The following ANGPT2 variants were observed in gnomAD, a reference collection of about 807,000 sequenced individuals.
ANGPT2 encodes angiopoietin-2.
A neutral mutation model predicts 62.9 loss-of-function variants in ANGPT2; 28 were observed. The observed-to-expected ratio is 0.44, with a 90% CI of 0.33 to 0.61. The LOEUF is 0.61. Ranked by LOEUF, ANGPT2 falls within the 20% of genes least tolerant of loss-of-function variation. The pLI is 0.03. For missense variants in ANGPT2, 727 were observed against 594.9 expected (o/e 1.22, Z -2.31); for synonymous variants, 284 against 207.8 (o/e 1.37, Z -3.15).
intron 3 of ANGPT2, among the ~76,000 whole-genome samples, chr8:6,526,798 C>G (rs1390556742): frequency 6.6e-6 from 1 of 152,160 alleles, no homozygotes; most frequent in African/African-American, 2.4e-5. Context: ...AGGAAATAGG[C>G]ACACCAGGTA....
At position 6,502,032 on chromosome 8, in the gene ANGPT2, T is replaced by C. The variant is rs956453354; in HGVS notation, c.*1069A>G. ...GGGTGAATCTTGAGACATATAGCTTTGTAAATTTCTTAAATAGAAGGCTTT... is the reference window on the plus strand; with the variant it reads ...GGGTGAATCTTGAGACATATAGCTTCGTAAATTTCTTAAATAGAAGGCTTT... On this transcript the variant is annotated 3_prime_UTR_variant, in exon 9 of 9. Transcript: ENST00000629816. 2.6e-5 allele frequency: 4 copies of C among 152,068 alleles called. No individual in the cohort carries two copies. Among genetic ancestry groups the C allele is most frequent in the African/African-American group, 9.7e-5 (4 of 41,430 alleles). 9.4% of individuals were successfully genotyped at this position (152,068 alleles called of 1,614,324 possible). A position where few individuals can be genotyped will look rare whatever the true frequency, so the allele number is the denominator to read the frequency against.
At chr8:6,512,967 A>G (rs979684088) in intron 7 of ANGPT2, among the ~76,000 whole-genome samples, 1 of 152,260 alleles carries the variant, frequency 6.6e-6, no homozygotes, top group African/African-American at 2.4e-5. Context: ...TTTAAACTTC[A>G]TAAAGACAGA....
chr8:6,521,148 C>A (rs200653775), intron 4 of ANGPT2, 30 bp downstream of exon 4: 4 of 1,584,572 alleles, frequency 2.5e-6, no homozygotes, highest in South Asian at 1.1e-5. Context: ...AGGTTATTAA[C>A]GCTGAAGAAA....
At position 6,527,659 on chromosome 8, in the gene ANGPT2, C is replaced by A. The variant is rs115556798; in HGVS notation, c.462G>T (p.Thr154=). ...DVEAQVLNQT[T]RLELQLLEHS... ...GTTCCAAGAGCTGAAGTTCAAGTCT[C>A]GTGGTCTGATTTAATACCTAAATGT... Residue 154 remains threonine (T), a synonymous_variant, in exon 3 of 9, where the codon ACG becomes ACT. Transcript: ENST00000629816. The A allele has an allele frequency of 6.2e-7, 1 of 1,613,654 alleles. No individual in the cohort carries two copies.
intron 1 of ANGPT2, among the ~76,000 whole-genome samples, chr8:6,556,188 A>G (rs1162925215): frequency 6.6e-6 from 1 of 152,156 alleles, no homozygotes; most frequent in African/African-American, 2.4e-5. Context: ...TAAAGAGGTA[A>G]TTTAAAATAT....
intron 2 of ANGPT2, among the ~76,000 whole-genome samples, chr8:6,530,106 T>C (rs1819182376): frequency 6.6e-6 from 1 of 152,322 alleles, no homozygotes; most frequent in Non-Finnish European, 1.5e-5. Flanking sequence ...TTATGAGACA[T>C]TTTTTGGATG....
At position 6,501,149 on chromosome 8, in the gene ANGPT2, G is replaced by C. The variant is rs1812101767; in HGVS notation, c.*1952C>G. 1 of 152,240 alleles carries C rather than the reference G, an allele frequency of 6.6e-6. No individual in the cohort carries two copies. The highest frequency in any genetic ancestry group is 6.5e-5 in the Admixed American group (1 of 15,282). 9.4% of individuals were successfully genotyped at this position (152,240 alleles called of 1,614,324 possible). ...AACTAGTTAAATAGTTGTTGGAAAA[G>C]TGCACCTTGGTGGAAATAAAACAGA... On this transcript the variant is annotated 3_prime_UTR_variant, in exon 9 of 9. Transcript: ENST00000629816.
chr8:6,511,965 A>T (rs1463601746), intron 7 of ANGPT2, among the ~76,000 whole-genome samples: 1 of 151,112 alleles, frequency 6.6e-6, no homozygotes, highest in African/African-American at 2.4e-5. Flanking sequence ...AAAATATTTA[A>T]CTTGGAGGTA....
chr8:6,559,773 G>T (rs1399068256), intron 1 of ANGPT2, among the ~76,000 whole-genome samples: 1 of 152,172 alleles, frequency 6.6e-6, no homozygotes. Flanking sequence ...CAGGGCAGAG[G>T]TTCACACTAG....
intron 1 of ANGPT2, among the ~76,000 whole-genome samples, chr8:6,551,645 G>T (rs1391980343): frequency 3.3e-5 from 5 of 152,116 alleles, no homozygotes; most frequent in African/African-American, 7.2e-5. Flanking sequence ...AATGATTCAG[G>T]TCAGGAATTC....
chr8:6,521,059 T>G (rs1195620110), intron 4 of ANGPT2, 119 bp downstream of exon 4: 15 of 689,052 alleles, frequency 2.2e-5, no homozygotes, highest in Non-Finnish European at 3.6e-5. Context: ...TGGTAGATAT[T>G]TCATATGAAA....
chr8:6,521,166 A>C lies in ANGPT2; in HGVS notation c.799+12T>G. ...TTATTAACGCTGAAGAAAGCATGAT[A>C]TGTAAACTTACAGTTTGATGTGGAC... On this transcript the variant is annotated intron_variant, in intron 4 of 8. Transcript: ENST00000629816. 6.2e-7 allele frequency: 1 copy of C among 1,604,738 alleles called. No homozygotes were observed. Among genetic ancestry groups the C allele is most frequent in the Non-Finnish European group, 8.5e-7 (1 of 1,172,286 alleles).
chr8:6,523,999 A>G (rs1477215912), intron 3 of ANGPT2, among the ~76,000 whole-genome samples: 1 of 152,138 alleles, frequency 6.6e-6, no homozygotes, highest in Non-Finnish European at 1.5e-5. Flanking sequence ...AGCAGCAACT[A>G]AAGATGTTTC....
At chr8:6,514,503 G>A (rs911537503) in intron 6 of ANGPT2, among the ~76,000 whole-genome samples, 174 bp downstream of exon 6, 1 of 152,118 alleles carries the variant, frequency 6.6e-6, no homozygotes, top group Non-Finnish European at 1.5e-5. Context: ...CTTTTGTTTT[G>A]ATACAGTTTA....
chr8:6,509,407 T>C (rs373894167), intron 7 of ANGPT2, among the ~76,000 whole-genome samples: 8 of 152,196 alleles, frequency 5.3e-5, no homozygotes, highest in African/African-American at 1.9e-4. Context: ...TCTCCAGTCA[T>C]CTTCCATAGA....
chr8:6,503,335 G>A (rs1206669673), intron 8 of ANGPT2, 74 bp from the exon 9 acceptor site: 2 of 1,534,734 alleles, frequency 1.3e-6, no homozygotes, highest in Non-Finnish European at 1.8e-6. Context: ...GCAATACTCA[G>A]CTAAGGCAGG....
intron 1 of ANGPT2, among the ~76,000 whole-genome samples, chr8:6,536,630 G>A (rs2442599): frequency 0.67 from 102,393 of 151,940 alleles, 34,778 homozygotes; most frequent in Non-Finnish European, 0.73. Flanking sequence ...ATTTTTAGAG[G>A]TACAGAAAGA....
intron 6 of ANGPT2, among the ~76,000 whole-genome samples, chr8:6,514,447 C>A (rs1204696705): frequency 3.3e-5 from 5 of 152,160 alleles, no homozygotes; most frequent in African/African-American, 1.2e-4. Context: ...CCTCGGCCTC[C>A]CAAAGTGCTG....
intron 3 of ANGPT2, among the ~76,000 whole-genome samples, chr8:6,522,437 A>G (rs968396431): frequency 8.5e-5 from 13 of 152,088 alleles, no homozygotes; most frequent in Non-Finnish European, 8.8e-5. Flanking sequence ...TAACGTTAAT[A>G]TAGACATTAT....
Sources: gnomAD v4.1 joint callset for allele counts (sites outside exome capture counted in the v4.1 genomes callset) on GRCh38, gnomAD v4.1.1 for gene constraint, MANE v1.5 for transcripts, NCBI Gene and HGNC (gene_info 2026-07-23, HGNC 2026-07-21) for gene names.